LRMDA: variants seen among roughly 807,000 people sequenced by gnomAD.
The protein encoded by LRMDA is leucine-rich melanocyte differentiation-associated protein.
A neutral mutation model predicts 29.8 loss-of-function variants in LRMDA; 18 were observed. The observed-to-expected ratio is 0.60, with a 90% CI of 0.42 to 0.90. LRMDA has a LOEUF of 0.90. Ranked by LOEUF, LRMDA falls within the 40% of genes least tolerant of loss-of-function variation. The pLI is 0.00. For synonymous variants in LRMDA, 125 were observed against 109.4 expected, an observed-to-expected ratio of 1.14 and a Z score of -0.89; for missense variants, 273 against 273.9, an observed-to-expected ratio of 1.00 and a Z score of 0.02.
rs527896242 is a variant in LRMDA, at chr10:76,221,693, C to G, written c.517-102708C>G. Among the ~76,000 whole-genome samples the G allele has an allele frequency of 2.6e-5, 4 of 152,214 alleles. No individual in the cohort carries two copies. The South Asian group carries it at 6.2e-4, about 24-fold the overall frequency. On this transcript the variant is annotated intron_variant, in intron 5 of 6. Transcript: ENST00000611255. ...AATATCATGAAAATGGCCATACTGC[C>G]CAAGGTAATTTATAGATTCAATGCC...
intron 2 of LRMDA, among the ~76,000 whole-genome samples, chr10:75,985,878 A>G (rs956004550): frequency 1.3e-5 from 2 of 152,248 alleles, no homozygotes; most frequent in Admixed American, 1.3e-4. Flanking sequence ...GTGATGGTTC[A>G]ATGAAGATGG....
At chr10:75,987,867 A>T (rs1431942573) in intron 2 of LRMDA, among the ~76,000 whole-genome samples, 1 of 152,184 alleles carries the variant, frequency 6.6e-6, no homozygotes, top group African/African-American at 2.4e-5. Flanking sequence ...CTGAGTCATA[A>T]TTTCCTTCAT....
At chr10:75,770,907 G>A (rs1490527480) in intron 2 of LRMDA, among the ~76,000 whole-genome samples, 1 of 152,208 alleles carries the variant, frequency 6.6e-6, no homozygotes, top group African/African-American at 2.4e-5. Flanking sequence ...ATAGCTGTGA[G>A]TAATGGGGTG....
Position 76,108,841 on chromosome 10 carries a change from C to A in LRMDA, c.516+50058C>A, listed in dbSNP as rs576392345. On this transcript the variant is annotated intron_variant, in intron 5 of 6. Coordinates refer to ENST00000611255, the MANE Select transcript of LRMDA (RefSeq NM_001305581.2). ...GAAATACTTTTGCTGAGTGATTGTTCCTACATTGAGTATATTTGTCTTATT... is the reference window on the plus strand; with the variant it reads ...GAAATACTTTTGCTGAGTGATTGTTACTACATTGAGTATATTTGTCTTATT... Among the ~76,000 whole-genome samples the A allele has an allele frequency of 2.0e-5, 3 of 152,208 alleles. No homozygotes were observed. The East Asian group carries it at 5.8e-4, about 29-fold the overall frequency.
chr10:75,927,169 GA>G (rs1846133527), intron 2 of LRMDA, among the ~76,000 whole-genome samples: 1 of 152,192 alleles, frequency 6.6e-6, no homozygotes, highest in Admixed American at 6.5e-5. Context: ...ATTATACCCA[GA>G]AGCAGCACAA....
intron 6 of LRMDA, among the ~76,000 whole-genome samples, chr10:76,343,751 T>C (rs1841068901): frequency 6.6e-6 from 1 of 151,658 alleles, no homozygotes; most frequent in South Asian, 2.1e-4. Flanking sequence ...CAATTAGATA[T>C]GAGAAGAGAT....
intron 2 of LRMDA, among the ~76,000 whole-genome samples, chr10:75,688,993 T>C (rs1021368231): frequency 3.3e-5 from 5 of 152,164 alleles, no homozygotes; most frequent in African/African-American, 1.2e-4. Context: ...ACTTTTTATG[T>C]TTTTTACAGT....
At position 76,147,529 on chromosome 10, in the gene LRMDA, G is replaced by A. The variant is rs569768040; in HGVS notation, c.516+88746G>A. On this transcript the variant is annotated intron_variant, in intron 5 of 6. Coordinates refer to ENST00000611255, the MANE Select transcript of LRMDA (RefSeq NM_001305581.2). ...CGTAGCTCTCGTGCCTTGGTTTTCA[G>A]CTCCATCAGGTCCTTTAAGGACTTC... Among the ~76,000 whole-genome samples the A allele has an allele frequency of 1.6e-3, 241 of 152,214 alleles. 1 individual carries two copies. The highest frequency in any genetic ancestry group is 5.1e-3 in the African/African-American group (213 of 41,534).
At chr10:76,324,291 A>T in intron 5 of LRMDA, 110 bp from the exon 6 acceptor site, 1 of 930,344 alleles carries the variant, frequency 1.1e-6, no homozygotes, top group Non-Finnish European at 1.7e-6. Context: ...TATCTTGGTG[A>T]ATAATATTTT....
At chr10:76,023,200 C>A (rs1384229164) in intron 2 of LRMDA, among the ~76,000 whole-genome samples, 1 of 152,130 alleles carries the variant, frequency 6.6e-6, no homozygotes, top group Admixed American at 6.5e-5. Flanking sequence ...AAAGGCAGCT[C>A]AGCCATTATG....
intron 2 of LRMDA, among the ~76,000 whole-genome samples, chr10:75,619,425 C>T (rs1335920571): frequency 3.9e-5 from 6 of 152,102 alleles, no homozygotes; most frequent in Admixed American, 2.6e-4. Context: ...ATTCATAGCC[C>T]GTGAGTAGGT....
At chr10:75,448,766 G>A (rs961252341) in intron 2 of LRMDA, among the ~76,000 whole-genome samples, 1 of 152,184 alleles carries the variant, frequency 6.6e-6, no homozygotes, top group Non-Finnish European at 1.5e-5. Context: ...TGAGCTTCAT[G>A]ATAAAGCAGA....
chr10:76,358,856 C>T (rs893238187), intron 6 of LRMDA, among the ~76,000 whole-genome samples: 15 of 152,272 alleles, frequency 9.9e-5, no homozygotes, highest in Non-Finnish European at 2.1e-4. Context: ...ACATAGTAGG[C>T]ATTGGAAATA....
chr10:76,191,838 G>A (rs1228691269), intron 5 of LRMDA, among the ~76,000 whole-genome samples: 3 of 152,294 alleles, frequency 2.0e-5, no homozygotes, highest in South Asian at 4.1e-4. Context: ...CACTGGAAAC[G>A]ATCGTTAGAA....
At chr10:75,672,521 T>TTTTCTTTTCC (rs1841904813) in intron 2 of LRMDA, among the ~76,000 whole-genome samples, 1 of 26,532 alleles carries the variant, frequency 3.8e-5, no homozygotes, top group Non-Finnish European at 7.8e-5. Context: ...TTTTCTTTTC[T>TTTTCTTTTCC]TTTCCTCCCC....
At chr10:75,714,183 G>C (rs893099604) in intron 2 of LRMDA, among the ~76,000 whole-genome samples, 12 of 151,982 alleles carry the variant, frequency 7.9e-5, no homozygotes, top group Admixed American at 5.2e-4. Context: ...ATGATGAATG[G>C]GAGTTAAAAA....
intron 2 of LRMDA, among the ~76,000 whole-genome samples, chr10:75,976,979 T>C (rs192859005): frequency 6.6e-6 from 1 of 152,260 alleles, no homozygotes; most frequent in East Asian, 1.9e-4. Flanking sequence ...GCCTGAACAT[T>C]GTCAACCTCC....
At chr10:76,378,488 C>T (rs1841548074) in intron 6 of LRMDA, among the ~76,000 whole-genome samples, 1 of 152,084 alleles carries the variant, frequency 6.6e-6, no homozygotes, top group East Asian at 1.9e-4. Context: ...TCAATTTCTC[C>T]TCATTCAGTA....
intron 5 of LRMDA, among the ~76,000 whole-genome samples, chr10:76,229,342 G>A (rs74709006): frequency 0.056 from 8,546 of 152,224 alleles, 335 homozygotes; most frequent in East Asian, 0.16. Context: ...AGAGTAGTGG[G>A]GGTCTGCAGG....
Sources: allele counts gnomAD v4.1 joint callset (sites outside exome capture counted in the v4.1 genomes callset), GRCh38; gene constraint gnomAD v4.1.1; transcripts MANE v1.5; gene names NCBI Gene and HGNC (gene_info 2026-07-23, HGNC 2026-07-21).